Variants in DSCAM observed in about 807,000 individuals in gnomAD.
DSCAM encodes the protein DS cell adhesion molecule, also known as cell adhesion molecule DSCAM.
A neutral mutation model predicts 217.7 loss-of-function variants in DSCAM; 47 were observed. The ratio of observed to expected loss-of-function variants is 0.22; its 90% CI spans 0.17 to 0.28. The LOEUF is 0.28. DSCAM is among the 10% of genes least tolerant of loss of function. DSCAM has a pLI of 1.00. For missense variants in DSCAM, 2,080 were observed against 2,618.3 expected (o/e 0.79, Z 4.49); for synonymous variants, 1,056 against 1,015.3 (o/e 1.04, Z -0.76).
chr21:40,822,116 T>C (rs916172390), intron 1 of DSCAM, among the ~76,000 whole-genome samples: 19 of 151,180 alleles, frequency 1.3e-4, no homozygotes, highest in Admixed American at 1.1e-3. Context: ...GTCGGGAGTT[T>C]GAGACCAGCC....
At chr21:40,414,760 A>G (rs1317657913) in intron 3 of DSCAM, among the ~76,000 whole-genome samples, 1 of 152,212 alleles carries the variant, frequency 6.6e-6, no homozygotes, top group Non-Finnish European at 1.5e-5. Flanking sequence ...GTGAGTCATT[A>G]CCTGCCGACA....
intron 32 of DSCAM, among the ~76,000 whole-genome samples, chr21:40,018,008 T>C (rs1466981706): frequency 7.3e-6 from 1 of 137,546 alleles, no homozygotes; most frequent in African/African-American, 2.8e-5. Flanking sequence ...TCTCTTGCCA[T>C]ATAGAATAGC....
chr21:40,198,760 G>T (rs1305824231), intron 11 of DSCAM, among the ~76,000 whole-genome samples: 1 of 152,250 alleles, frequency 6.6e-6, no homozygotes. Flanking sequence ...GCAGTGGGAG[G>T]TGGGATGACA....
chr21:40,782,012 A>AAAG (rs1555888321), intron 1 of DSCAM, among the ~76,000 whole-genome samples: 3 of 146,434 alleles, frequency 2.0e-5, no homozygotes, highest in Non-Finnish European at 3.0e-5. Flanking sequence ...AAAAAAAAAG[A>AAAG]AAAAAAAAAT....
At chr21:40,078,662 A>AGAGCCAC (rs1304050864) in intron 26 of DSCAM, 25 bp downstream of exon 26, 1 of 1,602,390 alleles carries the variant, frequency 6.2e-7, no homozygotes, top group Admixed American at 1.7e-5. Flanking sequence ...CACAAGCAGG[A>AGAGCCAC]GAGCCACAAA....
chr21:40,072,449 C>T (rs934583346), intron 27 of DSCAM, among the ~76,000 whole-genome samples: 18 of 151,370 alleles, frequency 1.2e-4, no homozygotes, highest in Non-Finnish European at 1.3e-4. Context: ...CAGGTTCAAG[C>T]GATTCTCCTG....
chr21:40,032,852 G>A (rs2088553859), intron 32 of DSCAM, among the ~76,000 whole-genome samples: 1 of 152,154 alleles, frequency 6.6e-6, no homozygotes, highest in Non-Finnish European at 1.5e-5. Context: ...ATTGATGAAA[G>A]TTCCTTTTTA....
At chr21:40,706,311 C>A (rs1319504483) in intron 2 of DSCAM, among the ~76,000 whole-genome samples, 1 of 152,180 alleles carries the variant, frequency 6.6e-6, no homozygotes, top group Non-Finnish European at 1.5e-5. Context: ...CAAAGGCAGC[C>A]TGGGTAAGGA....
At position 40,784,717 on chromosome 21, in the gene DSCAM, G is replaced by T. The variant is rs150885458; in HGVS notation, c.43+61902C>A. 7.7e-3 allele frequency among the ~76,000 whole-genome samples: 1,169 copies of T among 152,258 alleles called. 11 individuals are homozygous for T. Among genetic ancestry groups the T allele is most frequent in the African/African-American group, 0.027 (1,102 of 41,534 alleles). On this transcript the variant is annotated intron_variant, in intron 1 of 32. Coordinates refer to ENST00000400454, the MANE Select transcript of DSCAM (RefSeq NM_001389.5). ...ACCCTGATAGAATTGACTCCAGAGA[G>T]TGCTCTTGTTTCCTTTCCACTGTGA...
intron 1 of DSCAM, among the ~76,000 whole-genome samples, chr21:40,824,911 C>T (rs2091956277): frequency 6.6e-6 from 1 of 152,124 alleles, no homozygotes; most frequent in Non-Finnish European, 1.5e-5. Flanking sequence ...CTTTGAAGCC[C>T]TTTTTAAATA....
At chr21:40,617,741 G>C (rs2089423312) in intron 3 of DSCAM, among the ~76,000 whole-genome samples, 1 of 152,222 alleles carries the variant, frequency 6.6e-6, no homozygotes, top group African/African-American at 2.4e-5. Flanking sequence ...GACTTCTGGG[G>C]TCAAACTTGT....
At chr21:40,070,416 A>G (rs112188275) in intron 27 of DSCAM, among the ~76,000 whole-genome samples, 4,948 of 150,692 alleles carry the variant, frequency 0.033, 261 homozygotes, top group African/African-American at 0.11. Flanking sequence ...AAAAGAAAAG[A>G]AAAAGAAAGA....
At chr21:40,601,590 A>G (rs550172486) in intron 3 of DSCAM, among the ~76,000 whole-genome samples, 2 of 152,290 alleles carry the variant, frequency 1.3e-5, no homozygotes, top group East Asian at 3.9e-4. Context: ...ACTTGTTCCA[A>G]TCTTAGAGGG....
At chr21:40,754,421 G>A (rs1044580260) in intron 1 of DSCAM, among the ~76,000 whole-genome samples, 2 of 152,212 alleles carry the variant, frequency 1.3e-5, no homozygotes, top group Admixed American at 6.5e-5. Flanking sequence ...ACACAGGCAG[G>A]AAAGGAGGCA....
chr21:40,310,725 C>T (rs546453711), intron 9 of DSCAM, among the ~76,000 whole-genome samples: 1 of 152,272 alleles, frequency 6.6e-6, no homozygotes, highest in African/African-American at 2.4e-5. Flanking sequence ...TACTATTTTG[C>T]CCTTCACAAA....
At chr21:40,686,748 G>A (rs1243450402) in intron 3 of DSCAM, among the ~76,000 whole-genome samples, 1 of 152,044 alleles carries the variant, frequency 6.6e-6, no homozygotes, top group Non-Finnish European at 1.5e-5. Context: ...GCAGCTGTTT[G>A]GAGACTCAGG....
chr21:40,631,837 T>G (rs1347146213), intron 3 of DSCAM, among the ~76,000 whole-genome samples: 1 of 152,126 alleles, frequency 6.6e-6, no homozygotes, highest in African/African-American at 2.4e-5. Context: ...TCAGGAGACA[T>G]GGGCTTGTGG....
At chr21:40,277,631 A>C (rs2073704417) in intron 10 of DSCAM, among the ~76,000 whole-genome samples, 1 of 146,510 alleles carries the variant, frequency 6.8e-6, no homozygotes, top group African/African-American at 2.7e-5. Context: ...CGACAACCTG[A>C]ATTTTTTTTT....
At chr21:40,099,164 C>T (rs1050999032) in intron 20 of DSCAM, among the ~76,000 whole-genome samples, 2 of 152,148 alleles carry the variant, frequency 1.3e-5, no homozygotes, top group African/African-American at 2.4e-5. Context: ...GACAACATAG[C>T]TTTTAGTTAA....
Sources: gnomAD v4.1 joint callset for allele counts (sites outside exome capture counted in the v4.1 genomes callset) on GRCh38, gnomAD v4.1.1 for gene constraint, MANE v1.5 for transcripts, NCBI Gene and HGNC (gene_info 2026-07-23, HGNC 2026-07-21) for gene names.